The following NIPBL variants were observed in gnomAD, a reference collection of about 807,000 sequenced individuals.
NIPBL encodes nipped-B-like protein.
A neutral mutation model predicts 321.8 loss-of-function variants in NIPBL; 19 were observed. The ratio of observed to expected loss-of-function variants is 0.06; its 90% confidence interval spans 0.04 to 0.09. The LOEUF is 0.09. NIPBL is among the 10% of genes least tolerant of loss of function. NIPBL has a pLI of 1.00. For missense variants in NIPBL, 2,210 were observed against 3,327.0 expected, an observed-to-expected ratio of 0.66 and a Z score of 8.26; for synonymous variants, 1,106 against 1,114.1, an observed-to-expected ratio of 0.99 and a Z score of 0.14.
At position 36,962,062 on chromosome 5, in the gene NIPBL, T is replaced by A. The variant is rs1392342722; in HGVS notation, c.459-61T>A. On this transcript the variant is annotated intron_variant, in intron 5 of 46. Transcript: ENST00000282516. Reference sequence around the variant, plus strand: ...CAGAGGACTTTGTGACAGTCAGATTTCAAGGAATAGCGTGTTTATTTTATT... The same window carrying A: ...CAGAGGACTTTGTGACAGTCAGATTACAAGGAATAGCGTGTTTATTTTATT... The A allele has an allele frequency of 7.6e-6, 12 of 1,585,388 alleles. No homozygotes were observed. In the East Asian group the frequency reaches 2.2e-4, roughly 30 times the overall value.
At chr5:36,969,482 G>A (rs1742610548) in intron 6 of NIPBL, among the ~76,000 whole-genome samples, 1 of 152,132 alleles carries the variant, frequency 6.6e-6, no homozygotes, top group African/African-American at 2.4e-5. Context: ...TGTAAACTTG[G>A]TCCATATGGC....
At chr5:36,965,389 G>A (rs1742093348) in intron 6 of NIPBL, among the ~76,000 whole-genome samples, 1 of 152,098 alleles carries the variant, frequency 6.6e-6, no homozygotes, top group Non-Finnish European at 1.5e-5. Flanking sequence ...GAGGGAACTA[G>A]AGGTCATTAT....
intron 21 of NIPBL, among the ~76,000 whole-genome samples, chr5:37,013,323 G>A (rs1486974155): frequency 1.3e-5 from 2 of 150,982 alleles, no homozygotes; most frequent in African/African-American, 4.9e-5. Context: ...CCTCCCGGAC[G>A]GGGCGGCTGG....
Position 37,014,676 on chromosome 5 carries a change from A to G in NIPBL, c.4561-7A>G. 6.3e-7 allele frequency: 1 copy of G among 1,579,578 alleles called. No individual in the cohort carries two copies. Among genetic ancestry groups the G allele is most frequent in the Admixed American group, 1.7e-5 (1 of 59,732 alleles). On this transcript the variant is annotated splice_region_variant and splice_polypyrimidine_tract_variant and intron_variant, in intron 21 of 46. Transcript: ENST00000282516. ...TATCTTTATAAACTCACTTTTTTTC[A>G]TTCTAGATTGACCAGGATGTTGTCA...
At chr5:36,979,010 G>A (rs1743840737) in intron 9 of NIPBL, among the ~76,000 whole-genome samples, 1 of 151,868 alleles carries the variant, frequency 6.6e-6, no homozygotes, top group South Asian at 2.1e-4. Flanking sequence ...GTAGTTTGAA[G>A]TTTCCTAATA....
intron 10 of NIPBL, among the ~76,000 whole-genome samples, chr5:36,989,948 T>C (rs937934741): frequency 1.3e-5 from 2 of 148,996 alleles, no homozygotes; most frequent in African/African-American, 4.9e-5. Context: ...ATTTTGTTGT[T>C]TTTTTTTTTA....
intron 10 of NIPBL, among the ~76,000 whole-genome samples, chr5:36,992,943 G>A (rs1203507841): frequency 2.6e-5 from 4 of 151,772 alleles, no homozygotes; most frequent in Admixed American, 2.6e-4. Context: ...GGGTTTCACT[G>A]TGTTAGCCAG....
chr5:36,886,572 C>G lies in NIPBL; in HGVS notation c.-80+9394C>G, dbSNP rs1745923136. The G allele has an allele frequency of 1.0e-5, 6 of 598,414 alleles. No individual in the cohort carries two copies. The South Asian group carries it at 1.1e-4, about 11-fold the overall frequency. 37.1% of individuals were successfully genotyped at this position (598,414 alleles called of 1,614,324 possible). ...TCAGAGGTCATTGGGGGAAAATAGG[C>G]TATTCAGTTAAAATAGTTATCTGAT... On this transcript the variant is annotated intron_variant, in intron 1 of 46. Coordinates refer to ENST00000282516, the MANE Select transcript of NIPBL (RefSeq NM_133433.4).
Position 36,882,723 on chromosome 5 carries a change from T to C in NIPBL, c.-80+5545T>C, listed in dbSNP as rs182982698. 7.1e-4 allele frequency among the ~76,000 whole-genome samples: 108 copies of C among 152,086 alleles called. 1 individual carries two copies. The highest frequency in any genetic ancestry group is 1.6e-4 in the Non-Finnish European group (11 of 67,836). On this transcript the variant is annotated intron_variant, in intron 1 of 46. Coordinates refer to ENST00000282516, the MANE Select transcript of NIPBL (RefSeq NM_133433.4). ...TCTAAAACCTCTATTCTTTACATTC[T>C]ACCACCCTGGCTCTTCAAAATTTAT...
At chr5:37,037,155 A>C (rs1451539041) in intron 33 of NIPBL, among the ~76,000 whole-genome samples, 1 of 151,598 alleles carries the variant, frequency 6.6e-6, no homozygotes, top group Admixed American at 6.6e-5. Context: ...TGGGAGGCCA[A>C]GGCGGGCAGA....
intron 1 of NIPBL, among the ~76,000 whole-genome samples, chr5:36,884,769 C>T (rs1227452160): frequency 1.3e-5 from 2 of 152,116 alleles, no homozygotes; most frequent in Admixed American, 1.3e-4. Context: ...ATGGCAAGTA[C>T]ATTTCTCTTA....
chr5:36,887,672 T>C (rs143214323), intron 1 of NIPBL, among the ~76,000 whole-genome samples: 11 of 152,268 alleles, frequency 7.2e-5, no homozygotes, highest in African/African-American at 2.2e-4. Flanking sequence ...TTCAAACTTA[T>C]TTCTGTTCTT....
Position 37,026,221 on chromosome 5 carries a change from C to A in NIPBL, c.5710-8C>A. ...AATTAGTTAATTTGAAATTTCTCTT[C>A]CTTCTAGAAATTAGTAAATGAAACA... On this transcript the variant is annotated splice_polypyrimidine_tract_variant and splice_region_variant and intron_variant, in intron 30 of 46. Coordinates refer to ENST00000282516, the MANE Select transcript of NIPBL (RefSeq NM_133433.4). 10 of 1,522,812 alleles carry A rather than the reference C, an allele frequency of 6.6e-6. No homozygotes were observed. The highest frequency in any genetic ancestry group is 8.2e-6 in the Non-Finnish European group (9 of 1,098,772). The allele number at this position is 1,522,812 out of a possible 1,614,324, so 94.3% of individuals were successfully genotyped here. A position where few individuals can be genotyped will look rare whatever the true frequency, so the allele number is the denominator to read the frequency against.
intron 32 of NIPBL, among the ~76,000 whole-genome samples, chr5:37,031,965 A>T (rs1349470825): frequency 6.6e-6 from 1 of 152,206 alleles, no homozygotes; most frequent in Admixed American, 6.5e-5. Context: ...GGGAAAGGAC[A>T]TGAGGGAACT....
chr5:36,990,930 G>A (rs1047988254), intron 10 of NIPBL, among the ~76,000 whole-genome samples: 2 of 151,788 alleles, frequency 1.3e-5, no homozygotes, highest in Non-Finnish European at 2.9e-5. Context: ...TATTAATTCT[G>A]TAAGACCCTG....
chr5:36,955,722 A>C, intron 3 of NIPBL, 85 bp downstream of exon 3: 1 of 1,034,960 alleles, frequency 9.7e-7, no homozygotes, highest in Non-Finnish European at 1.5e-6. Flanking sequence ...TTATTTCAGA[A>C]ATTTTTAGAT....
intron 29 of NIPBL, among the ~76,000 whole-genome samples, chr5:37,023,750 C>CTTTTTTTT (rs779595045): frequency 1.4e-4 from 11 of 75,874 alleles, no homozygotes; most frequent in African/African-American, 2.0e-4. Flanking sequence ...TTTTCTTATT[C>CTTTTTTTT]TTTTTTTTTT....
chr5:37,057,448 T>G, intron 43 of NIPBL, 116 bp downstream of exon 43: 1 of 1,038,370 alleles, frequency 9.6e-7, no homozygotes, highest in South Asian at 1.5e-5. Context: ...AAAATCTTTC[T>G]AAGTGAACTT....
chr5:37,015,500 C>G (rs1374090495), intron 22 of NIPBL, among the ~76,000 whole-genome samples: 3 of 152,080 alleles, frequency 2.0e-5, no homozygotes, highest in Non-Finnish European at 4.4e-5. Flanking sequence ...TTTGGAAGAC[C>G]AAGGCAGGTG....
Sources: allele counts gnomAD v4.1 joint callset (sites outside exome capture counted in the v4.1 genomes callset), GRCh38; gene constraint gnomAD v4.1.1; transcripts MANE v1.5; gene names NCBI Gene and HGNC (gene_info 2026-07-23, HGNC 2026-07-21).